The following HMCN1 variants were observed in gnomAD, a reference collection of about 807,000 sequenced individuals.
HMCN1 encodes hemicentin 1, also known as hemicentin-1.
A neutral mutation model predicts 625.9 loss-of-function variants in HMCN1; 321 were observed. The observed-to-expected ratio is 0.51, with a 90% CI of 0.47 to 0.56. HMCN1 has a LOEUF of 0.56. Among genes scored for constraint, HMCN1 ranks in the 20% least tolerant of loss-of-function variants. The pLI is 0.00. For missense variants in HMCN1, 6,588 were observed against 6,887.3 expected (o/e 0.96, Z 1.54); for synonymous variants, 2,425 against 2,417.6 (o/e 1.00, Z -0.09).
At chr1:185,946,020 T>TA (rs917199193) in intron 11 of HMCN1, among the ~76,000 whole-genome samples, 2 of 152,300 alleles carry the variant, frequency 1.3e-5, no homozygotes, top group Middle Eastern at 3.4e-3. Flanking sequence ...CATGGTCTGA[T>TA]ACACTGGAAT....
At chr1:185,892,492 G>A (rs1208581545) in intron 4 of HMCN1, among the ~76,000 whole-genome samples, 1 of 151,942 alleles carries the variant, frequency 6.6e-6, no homozygotes, top group Non-Finnish European at 1.5e-5. Context: ...GGTTTTTGGT[G>A]TGGATGTCCT....
In HMCN1 at chr1:186,007,929, C is replaced by A. The variant is rs1399226076; in HGVS notation, c.4630+647C>A. 1.3e-5 allele frequency among the ~76,000 whole-genome samples: 2 copies of A among 152,070 alleles called. 1 individual carries two copies. Among genetic ancestry groups the A allele is most frequent in the South Asian group, 4.1e-4 (2 of 4,826 alleles). On this transcript the variant is annotated intron_variant, in intron 30 of 106. Transcript: ENST00000271588. ...ATAGAAAGGAATGGAACTCAATAGA[C>A]CTGTAGTGCTCACTGCACTATCTTC...
chr1:185,863,004 T>C (rs1034237317), intron 2 of HMCN1, among the ~76,000 whole-genome samples: 1 of 152,240 alleles, frequency 6.6e-6, no homozygotes, highest in Admixed American at 6.5e-5. Context: ...CATTGTAAAC[T>C]ATTCTAATAC....
At position 186,005,335 on chromosome 1, in the gene HMCN1, T is replaced by A. The variant is rs528110608; in HGVS notation, c.4475+1491T>A. On this transcript the variant is annotated intron_variant, in intron 29 of 106. Coordinates refer to ENST00000271588, the MANE Select transcript of HMCN1 (RefSeq NM_031935.3). ...TTATAAATGTTTATAAACAATTTTTTAATTGTTTATAAATGTTTATAAACA... is the reference window on the plus strand; with the variant it reads ...TTATAAATGTTTATAAACAATTTTTAAATTGTTTATAAATGTTTATAAACA... Among the ~76,000 whole-genome samples, 6 of 145,618 alleles carry A rather than the reference T, an allele frequency of 4.1e-5. No homozygotes were observed. The East Asian group carries it at 1.2e-3, about 29-fold the overall frequency.
chr1:185,988,044 G>A (rs1413635370), intron 20 of HMCN1, among the ~76,000 whole-genome samples: 4 of 152,070 alleles, frequency 2.6e-5, no homozygotes, highest in Non-Finnish European at 2.9e-5. Flanking sequence ...GTTATGCTAC[G>A]GACGTGTTCA....
Position 186,015,335 on chromosome 1 carries a change from C to G in HMCN1, c.4807C>G (p.Leu1603Val). Residue 1603 changes from leucine to valine, a missense_variant, in exon 31 of 107, where the codon CTT becomes GTT. By Grantham distance (32) the Leu-to-Val change is conservative. Coordinates refer to ENST00000271588, the MANE Select transcript of HMCN1 (RefSeq NM_031935.3). Reference protein sequence around the residue: ...QALYIDKGQYLHIPRAQVSDS... With the variant: ...QALYIDKGQYVHIPRAQVSDS... ...ACTTTATATTGATAAAGGACAATAT[C>G]TTCATATTCCTCGAGCACAGGTCTC... The G allele has an allele frequency of 6.2e-7, 1 of 1,613,760 alleles. No individual in the cohort carries two copies. The highest frequency in any genetic ancestry group is 8.5e-7 in the Non-Finnish European group (1 of 1,179,774).
rs1652798921 is a variant in HMCN1, at chr1:185,996,492, T to C, written c.3779-937T>C. Among the ~76,000 whole-genome samples the C allele has an allele frequency of 1.3e-5, 2 of 152,136 alleles. 1 individual carries two copies. Among genetic ancestry groups the C allele is most frequent in the South Asian group, 4.1e-4 (2 of 4,830 alleles). ...AAGCCAGACTAATGAAGTTAGACTT[T>C]ATTCTAAATGCAATAAGAAGACTTT... On this transcript the variant is annotated intron_variant, in intron 24 of 106. Transcript: ENST00000271588.
At chr1:186,182,132 T>C (rs773372288) in intron 104 of HMCN1, 36 bp from the exon 105 acceptor site, 2 of 1,611,472 alleles carry the variant, frequency 1.2e-6, no homozygotes, top group African/African-American at 1.3e-5. Context: ...GCTTTTTTCT[T>C]GTGTAGTGAT....
chr1:186,018,244 C>A lies in HMCN1; in HGVS notation c.5362C>A (p.Arg1788Ser). The A allele has an allele frequency of 6.2e-7, 1 of 1,612,674 alleles. No individual in the cohort carries two copies. The highest frequency in any genetic ancestry group is 1.1e-5 in the South Asian group (1 of 91,048). ...TGGATTCAAGATTTTATTAAATGGACGCAAACTGGTTATTGCTCAGGCTCA... is the reference window on the plus strand; with the variant it reads ...TGGATTCAAGATTTTATTAAATGGAAGCAAACTGGTTATTGCTCAGGCTCA... ...RDGFKILLNG[R>S]KLVIAQAQVS... Residue 1788 changes from arginine to serine, a missense_variant, in exon 34 of 107, where the codon CGC becomes AGC. Coordinates refer to ENST00000271588, the MANE Select transcript of HMCN1 (RefSeq NM_031935.3).
At chr1:186,069,301 C>A (rs1249966311) in intron 50 of HMCN1, among the ~76,000 whole-genome samples, 2 of 152,126 alleles carry the variant, frequency 1.3e-5, no homozygotes, top group Non-Finnish European at 2.9e-5. Flanking sequence ...TGCTTCAGCA[C>A]AATTAATTTC....
At chr1:186,132,794 C>T (rs2102522761) in intron 86 of HMCN1, among the ~76,000 whole-genome samples, 1 of 152,026 alleles carries the variant, frequency 6.6e-6, no homozygotes, top group African/African-American at 2.4e-5. Flanking sequence ...GCTATACCTC[C>T]CCCCACCCCC....
intron 6 of HMCN1, among the ~76,000 whole-genome samples, chr1:185,918,252 C>T: frequency 6.6e-6 from 1 of 152,112 alleles, no homozygotes; most frequent in East Asian, 1.9e-4. Context: ...CCGAGAGCCC[C>T]TGGCAAAGCA....
At chr1:185,737,108 G>A (rs1285415623) in intron 1 of HMCN1, among the ~76,000 whole-genome samples, 1 of 151,144 alleles carries the variant, frequency 6.6e-6, no homozygotes, top group Non-Finnish European at 1.5e-5. Flanking sequence ...AGGTGTGTGT[G>A]TATAATCATT....
intron 104 of HMCN1, among the ~76,000 whole-genome samples, chr1:186,181,219 G>A (rs573510615): frequency 1.3e-5 from 2 of 152,224 alleles, no homozygotes; most frequent in African/African-American, 4.8e-5. Context: ...CAACACTTTG[G>A]TTAACTAGTC....
chr1:185,764,632 T>A (rs767861917), intron 1 of HMCN1, among the ~76,000 whole-genome samples: 20 of 152,296 alleles, frequency 1.3e-4, no homozygotes, highest in Non-Finnish European at 2.6e-4. Context: ...TGGATCTTTA[T>A]CCTTGGATGG....
chr1:185,791,194 C>T (rs566943240), intron 1 of HMCN1, among the ~76,000 whole-genome samples: 1 of 152,162 alleles, frequency 6.6e-6, no homozygotes, highest in South Asian at 2.1e-4. Context: ...TTATCTTTCT[C>T]GGTACACTTG....
rs765061984 is a variant in HMCN1 at position 185,922,442 on chromosome 1, G to A, written c.964G>A (p.Gly322Ser). ...CCTCAGTACTATTGATTTCCGAGCT[G>A]GCTTTTCTCGAAAGCCCACCCTGGA... The part of the protein sequence containing the change: ...TGLSTIDFRA[G>S]FSRKPTLDFK... The change falls in exon 7 of 107, where the codon GGC becomes AGC. Residue 322 changes from glycine (G) to serine (S), a missense_variant. By Grantham distance (56) the Gly-to-Ser change is moderately conservative. This residue lies in a region of HMCN1 where 4,628 missense variants were observed against 4,853.1 expected (regional missense o/e 0.95). Coordinates refer to ENST00000271588, the MANE Select transcript of HMCN1 (RefSeq NM_031935.3). 12 of 1,613,666 alleles carry A rather than the reference G, an allele frequency of 7.4e-6. No individual in the cohort carries two copies. Among genetic ancestry groups the A allele is most frequent in the Non-Finnish European group, 1.0e-5 (12 of 1,179,848 alleles).
chr1:185,802,012 T>C (rs1234770185), intron 1 of HMCN1, among the ~76,000 whole-genome samples: 3 of 152,140 alleles, frequency 2.0e-5, no homozygotes, highest in Admixed American at 1.3e-4. Flanking sequence ...GAAGAAATGT[T>C]AGGGCTCTTT....
intron 11 of HMCN1, among the ~76,000 whole-genome samples, chr1:185,949,901 A>G (rs932246388): frequency 2.6e-5 from 4 of 151,826 alleles, no homozygotes; most frequent in African/African-American, 9.7e-5. Context: ...AGCAGATGGA[A>G]CACTGAGAAG....
Sources: gnomAD v4.1 joint callset for allele counts (sites outside exome capture counted in the v4.1 genomes callset) on GRCh38, gnomAD v4.1.1 for gene constraint, gnomAD v4.1.1 regional missense constraint, MANE v1.5 for transcripts, NCBI Gene and HGNC (gene_info 2026-07-23, HGNC 2026-07-21) for gene names.